The following TACR2 variants were observed in gnomAD, a reference collection of about 807,000 sequenced individuals.
TACR2 encodes the protein substance-K receptor.
Under a neutral mutation model 28.9 loss-of-function variants are expected in TACR2, and 24 were observed. The observed-to-expected ratio is 0.83, with a 90% CI of 0.60 to 1.17. TACR2 has a LOEUF of 1.17. TACR2 is among the 50% of genes most tolerant of loss of function. The pLI, the probability that TACR2 is intolerant of heterozygous loss-of-function variation, is 0.00. For missense variants in TACR2, 487 were observed against 524.4 expected, an observed-to-expected ratio of 0.93 and a Z score of 0.70; for synonymous variants, 222 against 212.6, an observed-to-expected ratio of 1.04 and a Z score of -0.38.
At chr10:69,406,467 T>G (rs943871356) in intron 4 of TACR2, among the ~76,000 whole-genome samples, 6 of 152,082 alleles carry the variant, frequency 3.9e-5, no homozygotes, top group African/African-American at 1.4e-4. Context: ...TCTGGCCCCC[T>G]CCTTCCTGGC....
chr10:69,411,135 T>C (rs1408735252), intron 2 of TACR2, among the ~76,000 whole-genome samples: 2 of 152,192 alleles, frequency 1.3e-5, no homozygotes, highest in Non-Finnish European at 1.5e-5. Flanking sequence ...TCTTTCTTAC[T>C]GGGAGGACTG....
intron 4 of TACR2, among the ~76,000 whole-genome samples, chr10:69,406,688 T>TC (rs1378229613): frequency 6.6e-6 from 1 of 152,106 alleles, no homozygotes; most frequent in Non-Finnish European, 1.5e-5. Context: ...AGTCAGTCCC[T>TC]CCCTCCCGCT....
intron 4 of TACR2, among the ~76,000 whole-genome samples, chr10:69,406,418 G>A (rs3793850): frequency 0.057 from 8,732 of 152,102 alleles, 752 homozygotes; most frequent in African/African-American, 0.19. Flanking sequence ...TCAGAATCAC[G>A]AGGCGTAGGG....
intron 2 of TACR2, among the ~76,000 whole-genome samples, chr10:69,411,438 C>G (rs183294039): frequency 7.7e-4 from 118 of 152,276 alleles, no homozygotes; most frequent in Admixed American, 6.5e-3. Flanking sequence ...GAAAAGACCC[C>G]CTTCTTGCCT....
intron 3 of TACR2, among the ~76,000 whole-genome samples, chr10:69,408,171 AGTAGGGG>A (rs1041235169): frequency 6.6e-6 from 1 of 152,080 alleles, no homozygotes; most frequent in Admixed American, 6.6e-5. Context: ...GATGGCAGGG[AGTAGGGG>A]GACACTGCCA....
At chr10:69,413,325 T>C (rs969359382) in intron 2 of TACR2, among the ~76,000 whole-genome samples, 1 of 152,184 alleles carries the variant, frequency 6.6e-6, no homozygotes, top group Non-Finnish European at 1.5e-5. Flanking sequence ...ATGGCTTTCC[T>C]AGCCCACCCC....
At chr10:69,408,684 C>G (rs1294173337) in intron 3 of TACR2, among the ~76,000 whole-genome samples, 1 of 152,170 alleles carries the variant, frequency 6.6e-6, no homozygotes, top group Non-Finnish European at 1.5e-5. Context: ...AGGCTCTGGC[C>G]CCAGACTTCG....
chr10:69,414,982 C>A lies in TACR2; in HGVS notation c.550G>T (p.Ala184Ser). 1 of 1,613,600 alleles carries A rather than the reference C, an allele frequency of 6.2e-7. No homozygotes were observed. Among genetic ancestry groups the A allele is most frequent in the Non-Finnish European group, 8.5e-7 (1 of 1,179,874 alleles). ...MDQGATKCVV[A>S]WPEDSGGKTL... is the part of the protein sequence containing the mutation. ...TTGCCCCCGCTGTCTTCGGGCCAGG[C>A]CACCACGCACTTGGTGGCACCCTGG... Residue 184 changes from alanine to serine, a missense_variant, in exon 2 of 5, where the codon GCC becomes TCC. Transcript: ENST00000373306.
chr10:69,414,843 C>G (rs1840597915), intron 2 of TACR2, 102 bp downstream of exon 2: 1 of 1,297,866 alleles, frequency 7.7e-7, no homozygotes, highest in African/African-American at 1.5e-5. Context: ...TGCATGCACA[C>G]CACACATGCA....
chr10:69,406,705 CT>C (rs1401609707), intron 4 of TACR2, among the ~76,000 whole-genome samples: 2 of 152,232 alleles, frequency 1.3e-5, no homozygotes, highest in Non-Finnish European at 2.9e-5. Context: ...CGCTACTTAG[CT>C]TTTCTTTCCT....
Position 69,414,987 on chromosome 10 carries a change from A to G in TACR2, c.545T>C (p.Val182Ala). The change falls in exon 2 of 5, where the codon GTG becomes GCG. Residue 182 changes from valine to alanine, a missense_variant. Val to Ala is a moderately conservative substitution (Grantham distance 64, BLOSUM62 0). Coordinates refer to ENST00000373306, the MANE Select transcript of TACR2 (RefSeq NM_001057.3). Reference sequence around the variant, plus strand: ...CCCGCTGTCTTCGGGCCAGGCCACCACGCACTTGGTGGCACCCTGGTCCAT... The same window carrying G: ...CCCGCTGTCTTCGGGCCAGGCCACCGCGCACTTGGTGGCACCCTGGTCCAT... Reference protein sequence around the residue: ...VTMDQGATKCVVAWPEDSGGK... With the variant: ...VTMDQGATKCAVAWPEDSGGK... The G allele has an allele frequency of 2.5e-6, 4 of 1,613,636 alleles. No individual in the cohort carries two copies. The highest frequency in any genetic ancestry group is 3.4e-6 in the Non-Finnish European group (4 of 1,179,950).
intron 3 of TACR2, among the ~76,000 whole-genome samples, chr10:69,407,698 G>A (rs1476570745): frequency 2.0e-5 from 3 of 152,128 alleles, no homozygotes; most frequent in Non-Finnish European, 2.9e-5. Flanking sequence ...ATCCGTATCG[G>A]CACAGCCCTT....
chr10:69,408,015 A>G (rs1272441979), intron 3 of TACR2, among the ~76,000 whole-genome samples: 1 of 152,184 alleles, frequency 6.6e-6, no homozygotes, highest in Non-Finnish European at 1.5e-5. Flanking sequence ...GGTGAGAAGC[A>G]TGGCTTTGAC....
chr10:69,414,818 TCA>T, intron 2 of TACR2, 125 bp downstream of exon 2: 1 of 979,154 alleles, frequency 1.0e-6, no homozygotes, highest in South Asian at 1.8e-5. Context: ...GTACACTCAC[TCA>T]TGTGTACACC....
chr10:69,409,874 T>TATATATAC (rs1840547681), intron 2 of TACR2, among the ~76,000 whole-genome samples: 1 of 20,392 alleles, frequency 4.9e-5, no homozygotes, highest in African/African-American at 3.3e-4. Flanking sequence ...TGTATATATA[T>TATATATAC]ATATATACAT....
In TACR2 at chr10:69,405,104, C is replaced by A. The variant is rs200317216; in HGVS notation, c.939-20G>T. On this transcript the variant is annotated intron_variant, in intron 4 of 4. Coordinates refer to ENST00000373306, the MANE Select transcript of TACR2 (RefSeq NM_001057.3). ...CGAAACCTGGGGGAGCGAGGGGCAC[C>A]TTGAGCCAGGGAGTTAGGGGCTCAG... 2.5e-6 allele frequency: 4 copies of A among 1,608,716 alleles called. No individual in the cohort carries two copies. The East Asian group carries it at 8.9e-5, about 36-fold the overall frequency.
At chr10:69,414,691 T>C (rs1304521730) in intron 2 of TACR2, among the ~76,000 whole-genome samples, 1 of 152,186 alleles carries the variant, frequency 6.6e-6, no homozygotes, top group African/African-American at 2.4e-5. Flanking sequence ...TAATATAATA[T>C]ATATCCCACA....
chr10:69,409,252 G>A, intron 2 of TACR2, 177 bp from the exon 3 acceptor site: 1 of 555,318 alleles, frequency 1.8e-6, no homozygotes, highest in Non-Finnish European at 2.8e-6. Context: ...TGGGTAGCCT[G>A]TGTGCCAGGA....
chr10:69,409,683 C>A (rs1234373448), intron 2 of TACR2, among the ~76,000 whole-genome samples: 1 of 151,706 alleles, frequency 6.6e-6, no homozygotes, highest in African/African-American at 2.4e-5. Flanking sequence ...TACTGTTAAT[C>A]TCTTACTGTG....
Sources: allele counts gnomAD v4.1 joint callset (sites outside exome capture counted in the v4.1 genomes callset), GRCh38; gene constraint gnomAD v4.1.1; transcripts MANE v1.5; gene names NCBI Gene and HGNC (gene_info 2026-07-23, HGNC 2026-07-21).